The following PPP1R16B variants were observed in gnomAD, a reference collection of about 807,000 sequenced individuals.
PPP1R16B encodes the protein protein phosphatase 1 regulatory inhibitor subunit 16B.
PPP1R16B carries 14 observed loss-of-function variants against 61.7 expected under a neutral mutation model. That is an observed-to-expected ratio of 0.23 (90% CI 0.15 to 0.35). The LOEUF (loss-of-function observed/expected upper bound fraction) is 0.35. PPP1R16B is among the 10% of genes least tolerant of loss of function. PPP1R16B has a pLI of 1.00. For missense variants in PPP1R16B, 547 were observed against 752.5 expected (o/e 0.73, Z 3.19); for synonymous variants, 266 against 305.3 (o/e 0.87, Z 1.34).
chr20:38,885,556 TG>T (rs1050750716), intron 2 of PPP1R16B, among the ~76,000 whole-genome samples: 1 of 152,198 alleles, frequency 6.6e-6, no homozygotes, highest in Non-Finnish European at 1.5e-5. Context: ...CAGAGTAGAA[TG>T]GTCCACTGGC....
intron 2 of PPP1R16B, among the ~76,000 whole-genome samples, chr20:38,840,486 C>T (rs575757986): frequency 5.3e-5 from 8 of 152,272 alleles, no homozygotes; most frequent in Non-Finnish European, 7.4e-5. Context: ...CCCCAGGCGA[C>T]GCCAGCTCCA....
intron 10 of PPP1R16B, among the ~76,000 whole-genome samples, chr20:38,910,515 G>A (rs1305724649): frequency 6.6e-6 from 1 of 151,536 alleles, no homozygotes; most frequent in Non-Finnish European, 1.5e-5. Flanking sequence ...CCCACGTTGT[G>A]GCATATAGCA....
At chr20:38,869,013 T>G (rs1157755565) in intron 2 of PPP1R16B, among the ~76,000 whole-genome samples, 1 of 152,158 alleles carries the variant, frequency 6.6e-6, no homozygotes, top group South Asian at 2.1e-4. Flanking sequence ...GTCCAAAAAG[T>G]TCCCCTGTGT....
chr20:38,839,592 C>T (rs372925498), intron 2 of PPP1R16B, among the ~76,000 whole-genome samples: 1 of 151,974 alleles, frequency 6.6e-6, no homozygotes, highest in Non-Finnish European at 1.5e-5. Flanking sequence ...TTTGCATATG[C>T]ACTTGTGGAC....
At chr20:38,840,004 G>A (rs2084899459) in intron 2 of PPP1R16B, among the ~76,000 whole-genome samples, 1 of 152,240 alleles carries the variant, frequency 6.6e-6, no homozygotes, top group Non-Finnish European at 1.5e-5. Flanking sequence ...CTATGGGGCA[G>A]CCAAGTGAGG....
chr20:38,880,424 T>C (rs2085196344), intron 2 of PPP1R16B, among the ~76,000 whole-genome samples: 1 of 152,144 alleles, frequency 6.6e-6, no homozygotes, highest in Non-Finnish European at 1.5e-5. Flanking sequence ...CCCAGCCCTT[T>C]GGGAGGCTGA....
At chr20:38,906,300 T>G (rs912907472) in intron 7 of PPP1R16B, among the ~76,000 whole-genome samples, 11 of 143,818 alleles carry the variant, frequency 7.6e-5, no homozygotes, top group African/African-American at 1.8e-4. Context: ...TTTTTTTTTT[T>G]TTTTTTTTTT....
In PPP1R16B at chr20:38,922,695, A is replaced by G. The variant is rs941905078; in HGVS notation, c.*4029A>G. The G allele has an allele frequency of 2.6e-5, 4 of 152,696 alleles. No individual in the cohort carries two copies. The highest frequency in any genetic ancestry group is 4.4e-5 in the Non-Finnish European group (3 of 68,052). 9.5% of individuals were successfully genotyped at this position (152,696 alleles called of 1,614,324 possible). A position where few individuals can be genotyped will look rare whatever the true frequency, so the allele number is the denominator to read the frequency against. Reference sequence around the variant, plus strand: ...CAGACCAGAAGCCACTGGTGTACAGAGAACACTTAAAAAAATGTATTTTAT... The same window carrying G: ...CAGACCAGAAGCCACTGGTGTACAGGGAACACTTAAAAAAATGTATTTTAT... On this transcript the variant is annotated 3_prime_UTR_variant, in exon 11 of 11. Coordinates refer to ENST00000299824, the MANE Select transcript of PPP1R16B (RefSeq NM_015568.4).
intron 10 of PPP1R16B, 138 bp downstream of exon 10, chr20:38,908,331 CTGA>C: frequency 9.1e-7 from 1 of 1,093,614 alleles, no homozygotes; most frequent in Non-Finnish European, 1.3e-6. Context: ...CATATCCAGT[CTGA>C]TGATGATGGC....
chr20:38,906,120 G>A, intron 7 of PPP1R16B, 26 bp downstream of exon 7: 1 of 1,606,906 alleles, frequency 6.2e-7, no homozygotes, highest in Non-Finnish European at 8.5e-7. Flanking sequence ...AGGGCTGTGG[G>A]GGAGGCCGGC....
chr20:38,817,233 G>T (rs1170950602), intron 1 of PPP1R16B, among the ~76,000 whole-genome samples: 2 of 152,150 alleles, frequency 1.3e-5, no homozygotes, highest in Non-Finnish European at 2.9e-5. Context: ...AAGACTGTTT[G>T]GCACAGGAGA....
rs569015325 is a variant in PPP1R16B at position 38,818,830 on chromosome 20, G to A, written c.-102+13038G>A. ...GGCTAGAGTGCAGTGATCTGTGATC[G>A]TGCAGTGGTGCAATGACAGTTCACT... On this transcript the variant is annotated intron_variant, in intron 1 of 10. Coordinates refer to ENST00000299824, the MANE Select transcript of PPP1R16B (RefSeq NM_015568.4). Among the ~76,000 whole-genome samples, 88 of 150,128 alleles carry A rather than the reference G, an allele frequency of 5.9e-4. 1 individual carries two copies. Among genetic ancestry groups the A allele is most frequent in the African/African-American group, 2.0e-3 (82 of 40,648 alleles).
chr20:38,806,037 T>A lies in PPP1R16B; in HGVS notation c.-102+245T>A, dbSNP rs2084658009. Reference sequence around the variant, plus strand: ...CGTTCTCCCCGGCCTCGCAATTCCTTGACGAGGCCAGGGGAGGGGGCGCAT... The same window carrying A: ...CGTTCTCCCCGGCCTCGCAATTCCTAGACGAGGCCAGGGGAGGGGGCGCAT... On this transcript the variant is annotated intron_variant, in intron 1 of 10. Transcript: ENST00000299824. This position sits in a 1 kb window ranked among gnomAD's most constrained non-coding sequence, Gnocchi z 4.5. 6.7e-6 allele frequency among the ~76,000 whole-genome samples: 1 copy of A among 150,138 alleles called. No homozygotes were observed. Among genetic ancestry groups the A allele is most frequent in the South Asian group, 2.1e-4 (1 of 4,732 alleles).
intron 1 of PPP1R16B, among the ~76,000 whole-genome samples, chr20:38,826,055 G>A (rs533023147): frequency 6.6e-6 from 1 of 152,316 alleles, no homozygotes; most frequent in Admixed American, 6.5e-5. Context: ...GGAGAGAAAG[G>A]CAGGGATTAG....
intron 1 of PPP1R16B, among the ~76,000 whole-genome samples, chr20:38,809,682 T>TAAA (rs1425216746): frequency 6.6e-6 from 1 of 151,934 alleles, no homozygotes; most frequent in African/African-American, 2.4e-5. Flanking sequence ...ACACTGTGGA[T>TAAA]AAAAAACCTA....
intron 1 of PPP1R16B, among the ~76,000 whole-genome samples, chr20:38,832,336 C>G (rs2084842577): frequency 6.6e-6 from 1 of 152,166 alleles, no homozygotes; most frequent in African/African-American, 2.4e-5. Context: ...CGTCACAGAG[C>G]AGGACTTCAT....
At chr20:38,872,420 GA>G (rs2085136474) in intron 2 of PPP1R16B, among the ~76,000 whole-genome samples, 1 of 152,206 alleles carries the variant, frequency 6.6e-6, no homozygotes, top group Non-Finnish European at 1.5e-5. Context: ...AGGGAGAGAG[GA>G]GTTGGGCATT....
chr20:38,886,283 C>A (rs1246928654), intron 2 of PPP1R16B, among the ~76,000 whole-genome samples: 1 of 152,118 alleles, frequency 6.6e-6, no homozygotes, highest in Non-Finnish European at 1.5e-5. Context: ...ATTTGTCCCA[C>A]CTCTTGGGCT....
At chr20:38,894,454 C>T (rs1051250622) in intron 3 of PPP1R16B, among the ~76,000 whole-genome samples, 1 of 152,238 alleles carries the variant, frequency 6.6e-6, no homozygotes, top group Non-Finnish European at 1.5e-5. Flanking sequence ...AACGTGCACA[C>T]ATGTACGTGG....
Sources: gnomAD v4.1 joint callset for allele counts (sites outside exome capture counted in the v4.1 genomes callset) on GRCh38, gnomAD v4.1.1 for gene constraint, Gnocchi (gnomAD v3.1) non-coding constraint, MANE v1.5 for transcripts, NCBI Gene and HGNC (gene_info 2026-07-23, HGNC 2026-07-21) for gene names.